The following ATP8A1 variants were observed in gnomAD, a reference collection of about 807,000 sequenced individuals.
ATP8A1 encodes the protein ATPase phospholipid transporting 8A1.
Under a neutral mutation model 177.7 loss-of-function variants are expected in ATP8A1, and 90 were observed. That is an observed-to-expected ratio of 0.51 (90% CI 0.43 to 0.60). The LOEUF (loss-of-function observed/expected upper bound fraction) is 0.60. Ranked by LOEUF, ATP8A1 falls within the 20% of genes least tolerant of loss-of-function variation. ATP8A1 has a pLI of 0.00. For synonymous variants in ATP8A1, 493 were observed against 485.9 expected (o/e 1.01, Z -0.19); for missense variants, 1,072 against 1,392.8 (o/e 0.77, Z 3.67).
chr4:42,429,425 G>C (rs1354521598), intron 33 of ATP8A1, among the ~76,000 whole-genome samples: 1 of 151,164 alleles, frequency 6.6e-6, no homozygotes. Context: ...AGGAAGAGCT[G>C]TAGAATAGGC....
chr4:42,557,123 G>C (rs968335167), intron 15 of ATP8A1, among the ~76,000 whole-genome samples: 10 of 152,066 alleles, frequency 6.6e-5, no homozygotes, highest in African/African-American at 1.9e-4. Flanking sequence ...GTTTATAATG[G>C]AACACATATC....
intron 1 of ATP8A1, among the ~76,000 whole-genome samples, chr4:42,628,690 A>G (rs1213073665): frequency 3.3e-5 from 5 of 152,154 alleles, no homozygotes; most frequent in Non-Finnish European, 7.3e-5. Flanking sequence ...TATAATTGAA[A>G]TTTCACACAT....
In ATP8A1 at chr4:42,627,233, C is replaced by T. The variant is rs545770436; in HGVS notation, c.50-124G>A. ...ACTTGCTTCCCCTTAACTGTTGTTTCTTTTATAATAAAAAGTAACATCCCC... is the reference window on the plus strand; with the variant it reads ...ACTTGCTTCCCCTTAACTGTTGTTTTTTTTATAATAAAAAGTAACATCCCC... On this transcript the variant is annotated intron_variant, in intron 1 of 36. Coordinates refer to ENST00000381668, the MANE Select transcript of ATP8A1 (RefSeq NM_006095.2). The T allele has an allele frequency of 1.2e-3, 785 of 644,174 alleles. 2 individuals carry two copies. The highest frequency in any genetic ancestry group is 1.7e-3 in the South Asian group (81 of 48,270). 39.9% of individuals were successfully genotyped at this position (644,174 alleles called of 1,614,324 possible).
At chr4:42,529,125 A>C (rs1726998499) in intron 20 of ATP8A1, among the ~76,000 whole-genome samples, 2 of 152,186 alleles carry the variant, frequency 1.3e-5, no homozygotes, top group Non-Finnish European at 2.9e-5. Context: ...TGGGGTCCAG[A>C]ACGGACACAG....
intron 1 of ATP8A1, among the ~76,000 whole-genome samples, chr4:42,645,947 T>C (rs1425889697): frequency 6.8e-6 from 1 of 147,228 alleles, no homozygotes. Context: ...AAAAAAAAAG[T>C]AGAGTGAGAC....
intron 1 of ATP8A1, among the ~76,000 whole-genome samples, chr4:42,653,433 T>C (rs1741314982): frequency 6.6e-6 from 1 of 152,216 alleles, no homozygotes; most frequent in Non-Finnish European, 1.5e-5. Context: ...GTAACAGTAG[T>C]TGAAGTTCAG....
At chr4:42,473,149 G>A (rs961514042) in intron 25 of ATP8A1, among the ~76,000 whole-genome samples, 3 of 152,132 alleles carry the variant, frequency 2.0e-5, no homozygotes, top group Non-Finnish European at 4.4e-5. Flanking sequence ...GCCTCCAGGT[G>A]TCATTGATTC....
intron 33 of ATP8A1, among the ~76,000 whole-genome samples, chr4:42,441,584 G>C (rs1335727320): frequency 2.0e-5 from 3 of 152,046 alleles, no homozygotes; most frequent in South Asian, 4.1e-4. Context: ...ATTTACCTCG[G>C]AGAATCTGAG....
rs748492518 is a variant in ATP8A1, at chr4:42,624,487, T to C, written c.363+49A>G. On this transcript the variant is annotated intron_variant, in intron 4 of 36. Transcript: ENST00000381668. ...TAAGAAAAAACTAATATTTAAAGCATATATAAATAACAAAGTCACATACAA... is the reference window on the plus strand; with the variant it reads ...TAAGAAAAAACTAATATTTAAAGCACATATAAATAACAAAGTCACATACAA... 1.5e-5 allele frequency: 15 copies of C among 1,013,456 alleles called. No individual in the cohort carries two copies. The South Asian group carries it at 2.2e-4, about 15-fold the overall frequency. 62.8% of individuals were successfully genotyped at this position (1,013,456 alleles called of 1,614,324 possible).
At chr4:42,506,422 G>A (rs1724370918) in intron 23 of ATP8A1, among the ~76,000 whole-genome samples, 1 of 152,224 alleles carries the variant, frequency 6.6e-6, no homozygotes, top group African/African-American at 2.4e-5. Flanking sequence ...TCAGCCTTCA[G>A]AACGATGAGA....
chr4:42,549,977 AAC>A (rs759727061), intron 18 of ATP8A1, among the ~76,000 whole-genome samples: 3 of 152,236 alleles, frequency 2.0e-5, no homozygotes, highest in Non-Finnish European at 2.9e-5. Flanking sequence ...ACAGACCTTT[AAC>A]ACAGAGTCAA....
intron 9 of ATP8A1, among the ~76,000 whole-genome samples, chr4:42,582,251 A>T (rs945319899): frequency 6.6e-6 from 1 of 152,188 alleles, no homozygotes; most frequent in African/African-American, 2.4e-5. Context: ...GAAATGTGAG[A>T]AAAATAAATT....
chr4:42,466,677 T>C (rs1055114963), intron 25 of ATP8A1, among the ~76,000 whole-genome samples: 2 of 152,238 alleles, frequency 1.3e-5, no homozygotes, highest in South Asian at 2.1e-4. Flanking sequence ...CTGGCAATAG[T>C]ACAAAATGAC....
At chr4:42,559,597 G>C (rs1730600818) in intron 15 of ATP8A1, among the ~76,000 whole-genome samples, 1 of 152,188 alleles carries the variant, frequency 6.6e-6, no homozygotes, top group Non-Finnish European at 1.5e-5. Flanking sequence ...CTTTGATTCA[G>C]TAATTCCAGT....
chr4:42,523,647 C>T (rs1398075180), intron 21 of ATP8A1, among the ~76,000 whole-genome samples: 1 of 152,052 alleles, frequency 6.6e-6, no homozygotes, highest in African/African-American at 2.4e-5. Context: ...GGGGGCCAAA[C>T]CATTAAAATC....
intron 6 of ATP8A1, among the ~76,000 whole-genome samples, chr4:42,599,827 T>C (rs963873378): frequency 5.3e-5 from 8 of 152,342 alleles, no homozygotes; most frequent in African/African-American, 1.9e-4. Context: ...ACCAAAGCTA[T>C]TCATTTGTGG....
At chr4:42,435,423 T>G (rs1397360601) in intron 33 of ATP8A1, among the ~76,000 whole-genome samples, 1 of 73,866 alleles carries the variant, frequency 1.4e-5, no homozygotes, top group Non-Finnish European at 2.5e-5. Flanking sequence ...CGAGACTTCA[T>G]CTCAAAAAAA....
At chr4:42,639,570 A>AG (rs1321694978) in intron 1 of ATP8A1, among the ~76,000 whole-genome samples, 2 of 152,328 alleles carry the variant, frequency 1.3e-5, no homozygotes, top group East Asian at 1.9e-4. Flanking sequence ...TTATTTTAAG[A>AG]GGGAAAAAAA....
At chr4:42,600,666 A>C (rs1366675895) in intron 5 of ATP8A1, 148 bp from the exon 6 acceptor site, 27 of 688,684 alleles carry the variant, frequency 3.9e-5, no homozygotes, top group Non-Finnish European at 5.5e-5. Context: ...GATAGCAAGA[A>C]TATGTAAACT....
Sources: gnomAD v4.1 joint callset for allele counts (sites outside exome capture counted in the v4.1 genomes callset) on GRCh38, gnomAD v4.1.1 for gene constraint, MANE v1.5 for transcripts, NCBI Gene and HGNC (gene_info 2026-07-23, HGNC 2026-07-21) for gene names.